Variants in MACROD2 observed in about 807,000 individuals in gnomAD.
The protein encoded by MACROD2 is ADP-ribose glycohydrolase MACROD2.
Under a neutral mutation model 70.4 loss-of-function variants are expected in MACROD2, and 36 were observed. The observed-to-expected ratio is 0.51, with a 90% confidence interval of 0.39 to 0.68. The LOEUF is 0.68. Among genes scored for constraint, MACROD2 ranks in the 30% least tolerant of loss-of-function variants. The probability of loss-of-function intolerance (pLI) is 0.00; values close to 1 mark genes in which losing one functional copy is unlikely to be tolerated. For missense variants in MACROD2, 496 were observed against 538.4 expected, an observed-to-expected ratio of 0.92 and a Z score of 0.78; for synonymous variants, 172 against 178.8, an observed-to-expected ratio of 0.96 and a Z score of 0.30.
chr20:16,008,050 G>C (rs540533989), intron 15 of MACROD2, among the ~76,000 whole-genome samples: 4 of 152,120 alleles, frequency 2.6e-5, no homozygotes, highest in Non-Finnish European at 4.4e-5. Flanking sequence ...ACTATCTTTC[G>C]CAGGAGTTCT....
chr20:15,497,514 G>A (rs1423026803), intron 7 of MACROD2, among the ~76,000 whole-genome samples: 1 of 151,926 alleles, frequency 6.6e-6, no homozygotes, highest in African/African-American at 2.4e-5. Flanking sequence ...CTGGTCTTGA[G>A]CTCCTGACCT....
intron 8 of MACROD2, among the ~76,000 whole-genome samples, chr20:15,818,939 T>C (rs1390831299): frequency 6.6e-6 from 1 of 152,018 alleles, no homozygotes; most frequent in Non-Finnish European, 1.5e-5. Flanking sequence ...AATATTTGCT[T>C]GACAAATGAA....
rs536529981 is a variant in MACROD2 at position 14,349,986 on chromosome 20, C to T, written c.272-143493C>T. Among the ~76,000 whole-genome samples the T allele has an allele frequency of 1.6e-4, 24 of 151,370 alleles. No homozygotes were observed. In the East Asian group the frequency reaches 2.0e-3, roughly 12 times the overall value. On this transcript the variant is annotated intron_variant, in intron 3 of 17. Transcript: ENST00000684519. ...CTGGTCTCAAACTCCTGACCTCAGG[C>T]GATCCACCCACCTCAGCCTCCCAAA... is the stretch of plus-strand genomic sequence containing the variant.
intron 5 of MACROD2, among the ~76,000 whole-genome samples, chr20:14,883,910 T>G (rs185024204): frequency 1.1e-4 from 16 of 151,780 alleles, no homozygotes; most frequent in Non-Finnish European, 2.2e-4. Flanking sequence ...TTAAGCAAGC[T>G]TCTGGTTTTG....
At chr20:15,546,546 G>A (rs1568883218) in intron 8 of MACROD2, among the ~76,000 whole-genome samples, 1 of 152,136 alleles carries the variant, frequency 6.6e-6, no homozygotes, top group Non-Finnish European at 1.5e-5. Context: ...CATGCCTGCA[G>A]AAAACCTCCT....
At chr20:15,625,272 C>T (rs887182953) in intron 8 of MACROD2, among the ~76,000 whole-genome samples, 6 of 152,102 alleles carry the variant, frequency 3.9e-5, no homozygotes, top group Non-Finnish European at 7.4e-5. Flanking sequence ...GAGGAAGCCC[C>T]GTAGCTAAGG....
intron 10 of MACROD2, among the ~76,000 whole-genome samples, chr20:15,920,232 C>T (rs955837001): frequency 9.2e-5 from 14 of 152,142 alleles, no homozygotes; most frequent in African/African-American, 1.7e-4. Context: ...AAGGAGATGA[C>T]GGGGGTTAGA....
intron 3 of MACROD2, among the ~76,000 whole-genome samples, chr20:14,414,636 T>C (rs2083783931): frequency 6.6e-6 from 1 of 152,156 alleles, no homozygotes; most frequent in Non-Finnish European, 1.5e-5. Flanking sequence ...AAGGGCCCAT[T>C]TCAGAGTAAA....
chr20:14,731,865 A>G (rs979642738), intron 5 of MACROD2, among the ~76,000 whole-genome samples: 11 of 152,124 alleles, frequency 7.2e-5, no homozygotes, highest in Non-Finnish European at 1.0e-4. Context: ...GACATTAAAG[A>G]TATTTGCAAA....
At chr20:14,178,761 G>A (rs2081284271) in intron 3 of MACROD2, among the ~76,000 whole-genome samples, 1 of 143,950 alleles carries the variant, frequency 6.9e-6, no homozygotes, top group South Asian at 2.2e-4. Flanking sequence ...ACCGTAGTGA[G>A]GAGTCATCTA....
chr20:15,577,142 G>C (rs1026131575), intron 8 of MACROD2, among the ~76,000 whole-genome samples: 11 of 151,688 alleles, frequency 7.3e-5, no homozygotes, highest in Non-Finnish European at 1.3e-4. Context: ...TCAAGCAAAA[G>C]AACATTGAAA....
chr20:15,711,422 C>A (rs984700991), intron 8 of MACROD2, among the ~76,000 whole-genome samples: 3 of 152,214 alleles, frequency 2.0e-5, no homozygotes, highest in African/African-American at 7.2e-5. Context: ...AGAATGATTT[C>A]TTTCCTCCAC....
At chr20:14,036,735 C>G (rs2053316181) in intron 2 of MACROD2, among the ~76,000 whole-genome samples, 1 of 152,156 alleles carries the variant, frequency 6.6e-6, no homozygotes, top group African/African-American at 2.4e-5. Flanking sequence ...GCAATCTTGG[C>G]TCACTGCCAC....
intron 5 of MACROD2, among the ~76,000 whole-genome samples, chr20:14,854,484 G>T (rs2073232229): frequency 1.3e-5 from 2 of 152,228 alleles, no homozygotes; most frequent in Non-Finnish European, 2.9e-5. Flanking sequence ...GCATGGTTTG[G>T]TGAGCTGTCT....
chr20:15,572,035 T>C (rs2048382916), intron 8 of MACROD2, among the ~76,000 whole-genome samples: 1 of 152,148 alleles, frequency 6.6e-6, no homozygotes, highest in African/African-American at 2.4e-5. Flanking sequence ...CTTTGAGAAA[T>C]GTGTTCTTCA....
At chr20:16,049,711 T>C in intron 17 of MACROD2, 119 bp from the exon 18 acceptor site, 1 of 933,746 alleles carries the variant, frequency 1.1e-6, no homozygotes. Context: ...AATAAGATAT[T>C]TCTGGGCCTA....
intron 5 of MACROD2, among the ~76,000 whole-genome samples, chr20:15,173,454 A>G (rs896457060): frequency 2.0e-5 from 3 of 152,168 alleles, no homozygotes; most frequent in Non-Finnish European, 2.9e-5. Context: ...GGGGTAGGCA[A>G]TTTCCTTACT....
At chr20:15,309,599 T>TA (rs1395868018) in intron 6 of MACROD2, among the ~76,000 whole-genome samples, 1 of 152,216 alleles carries the variant, frequency 6.6e-6, no homozygotes, top group South Asian at 2.1e-4. Context: ...TGACTTGATT[T>TA]AAAAAATACT....
intron 5 of MACROD2, among the ~76,000 whole-genome samples, chr20:14,862,626 T>A (rs1283779589): frequency 4.1e-4 from 5 of 12,084 alleles, no homozygotes; most frequent in African/African-American, 1.2e-3. Flanking sequence ...AATATATATA[T>A]ATAAATATAT....
Sources: gnomAD v4.1 joint callset for allele counts (sites outside exome capture counted in the v4.1 genomes callset) on GRCh38, gnomAD v4.1.1 for gene constraint, MANE v1.5 for transcripts, NCBI Gene and HGNC (gene_info 2026-07-23, HGNC 2026-07-21) for gene names.